The following BORCS5 variants were observed in gnomAD, a reference collection of about 807,000 sequenced individuals.
The protein encoded by BORCS5 is BLOC-1 related complex subunit 5, also known as BLOC-1-related complex subunit 5.
A neutral mutation model predicts 22.1 loss-of-function variants in BORCS5; 17 were observed. The observed-to-expected ratio is 0.77, with a 90% CI of 0.53 to 1.15. The LOEUF (loss-of-function observed/expected upper bound fraction) is 1.15. Ranked by LOEUF, BORCS5 falls within the 50% of genes most tolerant of loss-of-function variation. The pLI is 0.00. For synonymous variants in BORCS5, 117 were observed against 99.8 expected (o/e 1.17, Z -1.03); for missense variants, 247 against 253.2 (o/e 0.98, Z 0.17).
chr12:12,426,115 C>T (rs1942281173), intron 2 of BORCS5, among the ~76,000 whole-genome samples: 1 of 152,174 alleles, frequency 6.6e-6, no homozygotes. Flanking sequence ...ATTCCAATTC[C>T]GGGTCTACCT....
At chr12:12,378,730 A>G (rs1222175022) in intron 2 of BORCS5, among the ~76,000 whole-genome samples, 1 of 151,300 alleles carries the variant, frequency 6.6e-6, no homozygotes, top group African/African-American at 2.4e-5. Flanking sequence ...ATATTGTAGC[A>G]GTGTTAATTT....
At chr12:12,442,835 G>A (rs111918878) in intron 3 of BORCS5, among the ~76,000 whole-genome samples, 163 of 152,266 alleles carry the variant, frequency 1.1e-3, no homozygotes, top group African/African-American at 3.8e-3. Flanking sequence ...AGGAATGCAC[G>A]AGAGTTGCCA....
chr12:12,382,478 A>G (rs1199170112), intron 2 of BORCS5, among the ~76,000 whole-genome samples: 2 of 151,010 alleles, frequency 1.3e-5, no homozygotes, highest in African/African-American at 4.9e-5. Context: ...GGAGGGGACA[A>G]GTATCCAAAT....
At position 12,457,494 on chromosome 12, in the gene BORCS5, C is replaced by T. The variant is rs567539064; in HGVS notation, c.361-8052C>T. On this transcript the variant is annotated intron_variant, in intron 3 of 3. Transcript: ENST00000314565. ...ACCATCCTGGCTAACACGGTGAAAC[C>T]CCATCTCTACTAAAAATACAAAAAA... Among the ~76,000 whole-genome samples the T allele has an allele frequency of 9.8e-5, 15 of 152,294 alleles. 1 individual carries two copies. Among genetic ancestry groups the T allele is most frequent in the East Asian group, 7.7e-4 (4 of 5,186 alleles).
intron 3 of BORCS5, among the ~76,000 whole-genome samples, chr12:12,437,912 T>G (rs191051745): frequency 6.6e-6 from 1 of 152,072 alleles, no homozygotes; most frequent in African/African-American, 2.4e-5. Flanking sequence ...TACAGGTGTA[T>G]GCCATCACGC....
intron 3 of BORCS5, among the ~76,000 whole-genome samples, chr12:12,449,175 C>T (rs893040352): frequency 2.6e-5 from 4 of 152,134 alleles, no homozygotes; most frequent in African/African-American, 4.8e-5. Flanking sequence ...TCATCCTTCC[C>T]CACTGCCACT....
chr12:12,448,263 T>C (rs1254276960), intron 3 of BORCS5, among the ~76,000 whole-genome samples: 1 of 152,220 alleles, frequency 6.6e-6, no homozygotes, highest in Non-Finnish European at 1.5e-5. Flanking sequence ...TGGCCCAGGC[T>C]GGAGTGCAGT....
chr12:12,395,142 G>T (rs1941302408), intron 2 of BORCS5, among the ~76,000 whole-genome samples: 1 of 151,954 alleles, frequency 6.6e-6, no homozygotes, highest in African/African-American at 2.4e-5. Context: ...TTCTGGGCTG[G>T]CAAGAGAGTC....
intron 2 of BORCS5, among the ~76,000 whole-genome samples, chr12:12,430,090 C>T (rs971724560): frequency 3.3e-5 from 5 of 151,642 alleles, no homozygotes; most frequent in African/African-American, 4.9e-5. Context: ...ATAAGCAAAA[C>T]GTGGTCCCTG....
At chr12:12,371,776 A>C (rs1020227978) in intron 2 of BORCS5, among the ~76,000 whole-genome samples, 13 of 152,068 alleles carry the variant, frequency 8.5e-5, no homozygotes, top group African/African-American at 3.1e-4. Context: ...ATTTTCTTAC[A>C]CATCACTGAC....
At position 12,357,113 on chromosome 12, in the gene BORCS5, G is replaced by C. The variant is rs1390015793; in HGVS notation, c.-339G>C. The stretch of plus-strand genomic sequence containing the variant: ...CGGAAGGAGCGAGCTTGCGGAGCGT[G>C]AACCAGTGAGTGAAAGCGGCGCCGC... On this transcript the variant is annotated 5_prime_UTR_variant, in exon 1 of 4. Coordinates refer to ENST00000314565, the MANE Select transcript of BORCS5 (RefSeq NM_058169.6). 7.8e-6 allele frequency: 12 copies of C among 1,534,476 alleles called. No individual in the cohort carries two copies. The highest frequency in any genetic ancestry group is 2.0e-5 in the Admixed American group (1 of 50,884).
At chr12:12,403,458 A>G (rs892069581) in intron 2 of BORCS5, among the ~76,000 whole-genome samples, 1 of 152,170 alleles carries the variant, frequency 6.6e-6, no homozygotes, top group African/African-American at 2.4e-5. Context: ...TGATTGCCCC[A>G]TATCTCCCTA....
At chr12:12,374,214 A>T (rs910364942) in intron 2 of BORCS5, among the ~76,000 whole-genome samples, 7 of 151,374 alleles carry the variant, frequency 4.6e-5, no homozygotes, top group African/African-American at 1.7e-4. Flanking sequence ...GATGGTCTCG[A>T]TCTCCTGACC....
intron 2 of BORCS5, among the ~76,000 whole-genome samples, chr12:12,433,520 A>G (rs1164564326): frequency 6.6e-6 from 1 of 152,098 alleles, no homozygotes; most frequent in African/African-American, 2.4e-5. Context: ...AGGTCAGATT[A>G]TATCTATGTC....
chr12:12,390,256 A>G (rs1941138403), intron 2 of BORCS5, among the ~76,000 whole-genome samples: 1 of 152,102 alleles, frequency 6.6e-6, no homozygotes, highest in Admixed American at 6.5e-5. Context: ...TCTGCTTTCA[A>G]AGAGCTTACA....
chr12:12,458,183 A>G (rs1182902838), intron 3 of BORCS5, among the ~76,000 whole-genome samples: 1 of 152,160 alleles, frequency 6.6e-6, no homozygotes, highest in African/African-American at 2.4e-5. Context: ...AACAGTGCCC[A>G]AGGGCACAAG....
In BORCS5 at chr12:12,415,330, C is replaced by T. The variant is rs1344708921; in HGVS notation, c.203-20298C>T. Among the ~76,000 whole-genome samples the T allele has an allele frequency of 7.3e-5, 11 of 150,514 alleles. No homozygotes were observed. In the East Asian group the frequency reaches 7.9e-4, roughly 11 times the overall value. ...GGGAGGCCGAGGCTGGCGGATCACT[C>T]GCGGTTAGGAGCTGGAGACCAGCCC... is the stretch of plus-strand genomic sequence containing the variant. On this transcript the variant is annotated intron_variant, in intron 2 of 3. Coordinates refer to ENST00000314565, the MANE Select transcript of BORCS5 (RefSeq NM_058169.6).
At chr12:12,368,512 A>G (rs1188413084) in intron 2 of BORCS5, among the ~76,000 whole-genome samples, 1 of 151,758 alleles carries the variant, frequency 6.6e-6, no homozygotes, top group Admixed American at 6.6e-5. Flanking sequence ...TGGCACAATC[A>G]TAGCTCACTG....
chr12:12,372,072 C>T (rs1221176646), intron 2 of BORCS5, among the ~76,000 whole-genome samples: 2 of 152,124 alleles, frequency 1.3e-5, no homozygotes, highest in African/African-American at 4.8e-5. Context: ...GGAGTTTCGC[C>T]CTTGTCGCCC....
Sources: gnomAD v4.1 joint callset for allele counts (sites outside exome capture counted in the v4.1 genomes callset) on GRCh38, gnomAD v4.1.1 for gene constraint, MANE v1.5 for transcripts, NCBI Gene and HGNC (gene_info 2026-07-23, HGNC 2026-07-21) for gene names.